MEGF11: variants seen among roughly 807,000 people sequenced by gnomAD.
The protein encoded by MEGF11 is multiple epidermal growth factor-like domains protein 11.
Under a neutral mutation model 146.6 loss-of-function variants are expected in MEGF11, and 126 were observed. That is an observed-to-expected ratio of 0.86 (90% CI 0.74 to 1.00). The LOEUF (loss-of-function observed/expected upper bound fraction) is 1.00. Among genes scored for constraint, MEGF11 ranks in the 50% least tolerant of loss-of-function variants. The pLI, the probability that MEGF11 is intolerant of heterozygous loss-of-function variation, is 0.00. For missense variants in MEGF11, 1,509 were observed against 1,521.2 expected, an observed-to-expected ratio of 0.99 and a Z score of 0.13; for synonymous variants, 532 against 583.4, an observed-to-expected ratio of 0.91 and a Z score of 1.27.
At chr15:66,188,408 C>A (rs889297989) in intron 1 of MEGF11, among the ~76,000 whole-genome samples, 7 of 151,940 alleles carry the variant, frequency 4.6e-5, no homozygotes, top group African/African-American at 1.5e-4. Context: ...AAAAAAAAAC[C>A]TTGCCAGGTT....
chr15:66,140,252 T>C (rs899507349), intron 1 of MEGF11, among the ~76,000 whole-genome samples: 1 of 152,162 alleles, frequency 6.6e-6, no homozygotes, highest in South Asian at 2.1e-4. Context: ...ATACTCCACT[T>C]CCCTGGGCAG....
intron 23 of MEGF11, among the ~76,000 whole-genome samples, chr15:65,908,590 A>G (rs2078700182): frequency 6.6e-6 from 1 of 152,188 alleles, no homozygotes; most frequent in African/African-American, 2.4e-5. Flanking sequence ...GATTTGAGAA[A>G]GCTTGGCTTG....
intron 4 of MEGF11, among the ~76,000 whole-genome samples, chr15:66,110,538 GCTAGACCATGTGCTT>G (rs1213472142): frequency 6.6e-6 from 1 of 152,104 alleles, no homozygotes; most frequent in Non-Finnish European, 1.5e-5. Flanking sequence ...CATCTCTCCC[GCTAGACCATGTGCTT>G]CTTATTCATC....
chr15:66,249,721 G>T (rs1442218169), intron 1 of MEGF11, among the ~76,000 whole-genome samples: 2 of 152,090 alleles, frequency 1.3e-5, no homozygotes, highest in Non-Finnish European at 2.9e-5. Context: ...GTGTCCAAGT[G>T]TGGTCTCCAG....
chr15:66,205,819 A>G (rs1008513815), intron 1 of MEGF11, among the ~76,000 whole-genome samples: 5 of 152,236 alleles, frequency 3.3e-5, no homozygotes, highest in African/African-American at 1.2e-4. Context: ...GTTGTCAGAC[A>G]AAGTCAATTG....
chr15:66,016,364 G>T (rs2082884521), intron 5 of MEGF11, among the ~76,000 whole-genome samples: 1 of 145,956 alleles, frequency 6.9e-6, no homozygotes, highest in South Asian at 2.1e-4. Context: ...CATTTACATG[G>T]TTCAATGAAT....
At chr15:66,207,001 A>C (rs1225899906) in intron 1 of MEGF11, among the ~76,000 whole-genome samples, 1 of 152,220 alleles carries the variant, frequency 6.6e-6, no homozygotes, top group Non-Finnish European at 1.5e-5. Context: ...GCTCAAGTGA[A>C]ATTATCTAGT....
At chr15:66,124,519 G>C (rs1007654645) in intron 2 of MEGF11, among the ~76,000 whole-genome samples, 1 of 152,232 alleles carries the variant, frequency 6.6e-6, no homozygotes, top group Non-Finnish European at 1.5e-5. Context: ...CGAGCACCCT[G>C]TGTCAAGTGT....
intron 5 of MEGF11, among the ~76,000 whole-genome samples, chr15:65,984,479 T>C (rs559124977): frequency 1.6e-5 from 2 of 127,660 alleles, no homozygotes; most frequent in African/African-American, 2.9e-5. Context: ...TGAGCTGAGA[T>C]TGCACCACTG....
rs2080318183 is a variant in MEGF11 at position 65,949,569 on chromosome 15, G to A, written c.1287+7978C>T. On this transcript the variant is annotated intron_variant, in intron 10 of 25. Coordinates refer to ENST00000395614, the MANE Select transcript of MEGF11 (RefSeq NM_001385028.1). ...GAAATATGGGCCCCAAATCCTATGG[G>A]AGGGGACACTGGAGCCCCTCTCCTC... is the stretch of plus-strand genomic sequence containing the variant. Among the ~76,000 whole-genome samples, 2 of 152,222 alleles carry A rather than the reference G, an allele frequency of 1.3e-5. 1 individual carries two copies. Among genetic ancestry groups the A allele is most frequent in the South Asian group, 4.1e-4 (2 of 4,830 alleles).
intron 5 of MEGF11, among the ~76,000 whole-genome samples, chr15:66,064,737 C>T (rs968190006): frequency 1.3e-5 from 2 of 151,594 alleles, no homozygotes; most frequent in African/African-American, 4.8e-5. Flanking sequence ...CCATGTTGGT[C>T]AGGCTGGTCT....
At chr15:66,134,517 C>T (rs1160275522) in intron 1 of MEGF11, among the ~76,000 whole-genome samples, 1 of 152,224 alleles carries the variant, frequency 6.6e-6, no homozygotes, top group Non-Finnish European at 1.5e-5. Flanking sequence ...TCTCCCACCT[C>T]CTCCCAGGGC....
At chr15:66,130,306 A>C (rs2088585314) in intron 1 of MEGF11, among the ~76,000 whole-genome samples, 1 of 152,192 alleles carries the variant, frequency 6.6e-6, no homozygotes, top group Non-Finnish European at 1.5e-5. Flanking sequence ...TGGGACACAG[A>C]GTTCCAGAAG....
At chr15:66,100,951 A>T (rs1176678809) in intron 4 of MEGF11, among the ~76,000 whole-genome samples, 1 of 120,154 alleles carries the variant, frequency 8.3e-6, no homozygotes, top group Non-Finnish European at 1.7e-5. Context: ...TGAGCCAGTG[A>T]GTGAGTGGGT....
chr15:65,966,184 C>T (rs572859638), intron 8 of MEGF11, among the ~76,000 whole-genome samples: 16 of 152,224 alleles, frequency 1.1e-4, no homozygotes, highest in East Asian at 1.9e-4. Context: ...TTACTAGAGA[C>T]GGGGTTTCAC....
chr15:66,042,782 C>G (rs931779400), intron 5 of MEGF11, among the ~76,000 whole-genome samples: 15 of 152,170 alleles, frequency 9.9e-5, no homozygotes, highest in African/African-American at 3.4e-4. Context: ...TCATGGGATC[C>G]CCCATTTGCA....
At chr15:66,230,718 T>A (rs1225885638) in intron 1 of MEGF11, among the ~76,000 whole-genome samples, 1 of 152,208 alleles carries the variant, frequency 6.6e-6, no homozygotes, top group South Asian at 2.1e-4. Context: ...CTGAAGCAGG[T>A]GATGCGGACG....
rs147609545 is a variant in MEGF11 at position 66,049,571 on chromosome 15, A to C, written c.394+44831T>G. Reference sequence around the variant, plus strand: ...GTTTTCCCCACCCCATGCCATTTGCATACTTTACAGGGTATAGGTCGAGCT... The same window carrying C: ...GTTTTCCCCACCCCATGCCATTTGCCTACTTTACAGGGTATAGGTCGAGCT... On this transcript the variant is annotated intron_variant, in intron 5 of 25. Transcript: ENST00000395614. 2.0e-5 allele frequency among the ~76,000 whole-genome samples: 3 copies of C among 152,298 alleles called. No individual in the cohort carries two copies. In the East Asian group the frequency reaches 5.8e-4, roughly 29 times the overall value.
chr15:66,017,945 G>A (rs2082950937), intron 5 of MEGF11, among the ~76,000 whole-genome samples: 1 of 152,214 alleles, frequency 6.6e-6, no homozygotes, highest in African/African-American at 2.4e-5. Flanking sequence ...CAGGGAAGGA[G>A]CCGCTCGCAG....
Sources: gnomAD v4.1 joint callset for allele counts (sites outside exome capture counted in the v4.1 genomes callset) on GRCh38, gnomAD v4.1.1 for gene constraint, MANE v1.5 for transcripts, NCBI Gene and HGNC (gene_info 2026-07-23, HGNC 2026-07-21) for gene names.